The following TRPC6 variants were observed in gnomAD, a reference collection of about 807,000 sequenced individuals.
The protein encoded by TRPC6 is short transient receptor potential channel 6.
Under a neutral mutation model 90.7 loss-of-function variants are expected in TRPC6, and 55 were observed. The observed-to-expected ratio is 0.61, with a 90% CI of 0.49 to 0.76. TRPC6 has a LOEUF of 0.76. Among genes scored for constraint, TRPC6 ranks in the 30% least tolerant of loss-of-function variants. The probability of loss-of-function intolerance (pLI) is 0.00; values close to 1 mark genes in which losing one functional copy is unlikely to be tolerated. For missense variants in TRPC6, 989 were observed against 1,122.7 expected (o/e 0.88, Z 1.70); for synonymous variants, 393 against 393.0 (o/e 1.00, Z 0.00).
intron 10 of TRPC6, among the ~76,000 whole-genome samples, chr11:101,458,567 T>C (rs1858935904): frequency 6.6e-6 from 1 of 152,206 alleles, no homozygotes; most frequent in African/African-American, 2.4e-5. Flanking sequence ...GAACAGCTAA[T>C]GCTAGCAACC....
intron 1 of TRPC6, among the ~76,000 whole-genome samples, chr11:101,525,238 C>T (rs1860751423): frequency 6.6e-6 from 1 of 152,186 alleles, no homozygotes; most frequent in Non-Finnish European, 1.5e-5. Flanking sequence ...GTCAAATGGA[C>T]TTTGGCTCGA....
intron 10 of TRPC6, among the ~76,000 whole-genome samples, chr11:101,457,484 C>A (rs947440862): frequency 1.3e-5 from 2 of 152,112 alleles, no homozygotes; most frequent in Non-Finnish European, 2.9e-5. Context: ...TTGCTGGATA[C>A]AGGAACAGTT....
At chr11:101,486,402 T>C (rs557777328) in intron 4 of TRPC6, among the ~76,000 whole-genome samples, 3 of 152,260 alleles carry the variant, frequency 2.0e-5, no homozygotes, top group South Asian at 2.1e-4. Flanking sequence ...AGGGTAAGCA[T>C]TGAAATAAAT....
chr11:101,468,947 C>G (rs1859217936), intron 10 of TRPC6, among the ~76,000 whole-genome samples: 1 of 152,166 alleles, frequency 6.6e-6, no homozygotes, highest in East Asian at 1.9e-4. Flanking sequence ...TTGCTACTCT[C>G]AGTGAAGGAG....
intron 10 of TRPC6, among the ~76,000 whole-genome samples, chr11:101,468,372 G>C (rs965060707): frequency 1.3e-5 from 2 of 152,190 alleles, no homozygotes; most frequent in Non-Finnish European, 2.9e-5. Flanking sequence ...GAAGCTGGGA[G>C]GTTGGATATC....
In TRPC6 at chr11:101,540,715, G is replaced by A. The variant is rs112563237; in HGVS notation, c.171-35917C>T. On this transcript the variant is annotated intron_variant, in intron 1 of 12. Coordinates refer to ENST00000344327, the MANE Select transcript of TRPC6 (RefSeq NM_004621.6). ...ATTCAGATATAATATTTTTTGTTCT[G>A]AAATACTGAAACAATTTGAGTATGA... 9.0e-3 allele frequency among the ~76,000 whole-genome samples: 1,376 copies of A among 152,258 alleles called. 20 individuals are homozygous for A. The highest frequency in any genetic ancestry group is 0.032 in the African/African-American group (1,325 of 41,546).
At chr11:101,557,015 AT>A (rs1305078265) in intron 1 of TRPC6, among the ~76,000 whole-genome samples, 1 of 152,228 alleles carries the variant, frequency 6.6e-6, no homozygotes, top group East Asian at 1.9e-4. Flanking sequence ...ATATTCTTTC[AT>A]GATAAAAACT....
chr11:101,471,353 C>A lies in TRPC6; in HGVS notation c.2239G>T (p.Ala747Ser), dbSNP rs771070497. ...DADVEWKFAR[A>S]KLWFSYFEEG... ...TCAAAGTAGGAAAACCAGAGTTTGG[C>A]CCTTGCAAATTTCCACTCCACATCA... The change falls in exon 9 of 13, where the codon GCC becomes TCC. Residue 747 changes from alanine to serine, a missense_variant. Around this residue, in one of 4 missense-constraint regions of TRPC6, gnomAD observed 191 missense variants for 196.7 expected, o/e 0.97. Coordinates refer to ENST00000344327, the MANE Select transcript of TRPC6 (RefSeq NM_004621.6). 2.5e-6 allele frequency: 4 copies of A among 1,613,850 alleles called. No homozygotes were observed. The highest frequency in any genetic ancestry group is 3.4e-6 in the Non-Finnish European group (4 of 1,179,836).
At chr11:101,463,008 T>C (rs184203925) in intron 10 of TRPC6, among the ~76,000 whole-genome samples, 2 of 152,326 alleles carry the variant, frequency 1.3e-5, no homozygotes, top group East Asian at 3.9e-4. Flanking sequence ...ATTGAGAGTT[T>C]TTAGCATGAA....
intron 1 of TRPC6, among the ~76,000 whole-genome samples, chr11:101,576,971 G>A (rs1227731864): frequency 2.0e-5 from 3 of 152,110 alleles, no homozygotes; most frequent in African/African-American, 7.2e-5. Flanking sequence ...AGCCAGGGGA[G>A]GTTTCAACAC....
At chr11:101,527,794 C>G (rs1452126019) in intron 1 of TRPC6, among the ~76,000 whole-genome samples, 1 of 152,022 alleles carries the variant, frequency 6.6e-6, no homozygotes, top group Non-Finnish European at 1.5e-5. Flanking sequence ...TTTTTGTCAG[C>G]CAGGCACAGT....
intron 1 of TRPC6, among the ~76,000 whole-genome samples, chr11:101,510,324 A>G (rs1458554605): frequency 6.6e-6 from 1 of 152,176 alleles, no homozygotes; most frequent in African/African-American, 2.4e-5. Flanking sequence ...TTATAAAACT[A>G]TGTTGTAGAA....
At chr11:101,569,667 G>C (rs1383937826) in intron 1 of TRPC6, among the ~76,000 whole-genome samples, 3 of 152,044 alleles carry the variant, frequency 2.0e-5, no homozygotes, top group Non-Finnish European at 4.4e-5. Context: ...TAACAAACAA[G>C]TCTCTCAGAC....
chr11:101,478,717 G>A (rs768338323), intron 5 of TRPC6, among the ~76,000 whole-genome samples: 4 of 152,098 alleles, frequency 2.6e-5, no homozygotes, highest in East Asian at 1.9e-4. Context: ...GCCTCTGCTC[G>A]TATAGATCTT....
At chr11:101,485,440 C>A (rs1859656574) in intron 4 of TRPC6, among the ~76,000 whole-genome samples, 1 of 151,882 alleles carries the variant, frequency 6.6e-6, no homozygotes, top group Non-Finnish European at 1.5e-5. Context: ...TGTTATATTT[C>A]CATGATATGT....
rs192484571 is a variant in TRPC6, at chr11:101,571,124, T to C, written c.170+12210A>G. Among the ~76,000 whole-genome samples the C allele has an allele frequency of 7.9e-5, 12 of 152,298 alleles. No individual in the cohort carries two copies. The East Asian group carries it at 2.1e-3, about 27-fold the overall frequency. ...ATGATTGTATATTTAGAAAACCCCA[T>C]TGTCTCAGCCCAAAATCTCCTTAAG... On this transcript the variant is annotated intron_variant, in intron 1 of 12. Transcript: ENST00000344327.
intron 4 of TRPC6, among the ~76,000 whole-genome samples, chr11:101,488,246 T>A (rs1859722711): frequency 6.6e-6 from 1 of 152,156 alleles, no homozygotes; most frequent in Admixed American, 6.6e-5. Flanking sequence ...GAATGATAGG[T>A]CAATATTTCT....
intron 1 of TRPC6, among the ~76,000 whole-genome samples, chr11:101,547,329 T>A (rs1024989134): frequency 6.6e-5 from 10 of 152,204 alleles, no homozygotes; most frequent in African/African-American, 2.4e-4. Flanking sequence ...GCCCTGAGAT[T>A]CCCATGTACT....
intron 10 of TRPC6, among the ~76,000 whole-genome samples, chr11:101,456,669 A>G (rs1260985188): frequency 6.6e-6 from 1 of 152,136 alleles, no homozygotes; most frequent in South Asian, 2.1e-4. Flanking sequence ...ACCACCCCCT[A>G]TTGTGCCAAC....
Sources: allele counts gnomAD v4.1 joint callset (sites outside exome capture counted in the v4.1 genomes callset), GRCh38; gene constraint gnomAD v4.1.1; regional missense constraint gnomAD v4.1.1; transcripts MANE v1.5; gene names NCBI Gene and HGNC (gene_info 2026-07-23, HGNC 2026-07-21).